TRPC4: variants seen among roughly 807,000 people sequenced by gnomAD.
TRPC4 encodes the protein short transient receptor potential channel 4.
TRPC4 carries 49 observed loss-of-function variants against 99.4 expected under a neutral mutation model. The ratio of observed to expected loss-of-function variants is 0.49; its 90% confidence interval spans 0.39 to 0.63. The LOEUF is 0.63. Among genes scored for constraint, TRPC4 ranks in the 20% least tolerant of loss-of-function variants. TRPC4 has a pLI of 0.00. For missense variants in TRPC4, 898 were observed against 1,152.9 expected (o/e 0.78, Z 3.20); for synonymous variants, 454 against 425.9 (o/e 1.07, Z -0.81).
At chr13:37,813,817 A>G (rs1957768229) in intron 1 of TRPC4, among the ~76,000 whole-genome samples, 2 of 151,900 alleles carry the variant, frequency 1.3e-5, no homozygotes, top group South Asian at 4.1e-4. Context: ...AAAAAACAGA[A>G]GGAACACTTT....
In TRPC4 at chr13:37,637,374, A is replaced by G; in HGVS notation, c.2463T>C (p.Ser821=). ...TGGGCGGCTCCTGAACCACCAGGGC[A>G]GAGCCATTGCTTATGTTATGTCTTT... ...ASERHNISNG[S]ALVVQEPPRE... Residue 821 remains serine, a synonymous_variant, in exon 11 of 11, where the codon TCT becomes TCC. Transcript: ENST00000379705. The G allele has an allele frequency of 6.2e-7, 1 of 1,613,602 alleles. No individual in the cohort carries two copies. Among genetic ancestry groups the G allele is most frequent in the East Asian group, 2.2e-5 (1 of 44,872 alleles).
In TRPC4 at chr13:37,705,217, T is replaced by C. The variant is rs540753780; in HGVS notation, c.898-12882A>G. Among the ~76,000 whole-genome samples, 457 of 152,244 alleles carry C rather than the reference T, an allele frequency of 3.0e-3. 5 individuals carry two copies. In the Middle Eastern group the frequency reaches 0.037, roughly 12 times the overall value. ...CAGACATAGCAATGCAATTACAGCA[T>C]GATCTCACTGATATGTGGAATCTTA... On this transcript the variant is annotated intron_variant, in intron 3 of 10. Coordinates refer to ENST00000379705, the MANE Select transcript of TRPC4 (RefSeq NM_016179.4).
chr13:37,832,471 A>G (rs1958449749), intron 1 of TRPC4, among the ~76,000 whole-genome samples: 2 of 152,230 alleles, frequency 1.3e-5, no homozygotes, highest in South Asian at 4.1e-4. Flanking sequence ...CCCGGGAGAC[A>G]GAGGTTGCAG....
chr13:37,682,199 C>T (rs970542518), intron 4 of TRPC4, among the ~76,000 whole-genome samples: 1 of 152,174 alleles, frequency 6.6e-6, no homozygotes, highest in African/African-American at 2.4e-5. Flanking sequence ...ATGGCAACCT[C>T]CAGGGGTCTC....
intron 2 of TRPC4, among the ~76,000 whole-genome samples, chr13:37,757,250 A>C (rs1956120859): frequency 6.6e-6 from 1 of 152,056 alleles, no homozygotes. Context: ...ACTATTGACA[A>C]AGACACAGTC....
intron 1 of TRPC4, among the ~76,000 whole-genome samples, chr13:37,857,847 T>C (rs1959186372): frequency 6.6e-6 from 1 of 151,560 alleles, no homozygotes; most frequent in Non-Finnish European, 1.5e-5. Flanking sequence ...TTCAGAACAC[T>C]GGTCTGGGAA....
chr13:37,674,232 A>G lies in TRPC4; in HGVS notation c.1370T>C (p.Val457Ala), dbSNP rs1358287040. 1 of 1,585,518 alleles carries G rather than the reference A, an allele frequency of 6.3e-7. No homozygotes were observed. Among genetic ancestry groups the G allele is most frequent in the African/African-American group, 1.3e-5 (1 of 74,180 alleles). ...ATISLKIVAF[V>A]KYSALNPRES... Reference sequence around the variant, plus strand: ...AACAACATAAATAATAGTTACCTTTACAAATGCAACAATTTTCAAGGAGAT... The same window carrying G: ...AACAACATAAATAATAGTTACCTTTGCAAATGCAACAATTTTCAAGGAGAT... The change falls in exon 5 of 11, where the codon GTA becomes GCA. Residue 457 changes from valine (V) to alanine (A), a missense_variant. This residue lies in a region of TRPC4 where 274 missense variants were observed against 454.9 expected (regional missense o/e 0.60). Transcript: ENST00000379705.
intron 1 of TRPC4, among the ~76,000 whole-genome samples, chr13:37,819,270 C>G (rs1593252582): frequency 6.6e-6 from 1 of 152,004 alleles, no homozygotes; most frequent in South Asian, 2.1e-4. Context: ...AGCAGTGTGG[C>G]TATTTCTCAA....
At position 37,721,164 on chromosome 13, in the gene TRPC4, T is replaced by C. The variant is rs1209196597; in HGVS notation, c.897+24773A>G. ...TCTTCCCATTTTTCATAAGTGCTTA[T>C]TTAGAAAATAGTTGTCCACTGCTAA... On this transcript the variant is annotated intron_variant, in intron 3 of 10. Transcript: ENST00000379705. 2.6e-5 allele frequency among the ~76,000 whole-genome samples: 4 copies of C among 152,306 alleles called. No homozygotes were observed. In the East Asian group the frequency reaches 5.8e-4, roughly 22 times the overall value.
intron 1 of TRPC4, among the ~76,000 whole-genome samples, chr13:37,823,223 C>T (rs1446009583): frequency 4.1e-5 from 6 of 147,930 alleles, no homozygotes; most frequent in African/African-American, 9.9e-5. Context: ...TTGTAGGTTG[C>T]CTGTTCACTC....
intron 4 of TRPC4, among the ~76,000 whole-genome samples, chr13:37,675,850 A>G (rs1403880005): frequency 2.0e-5 from 3 of 152,176 alleles, no homozygotes; most frequent in Non-Finnish European, 4.4e-5. Flanking sequence ...CACGAGGCCA[A>G]CAAACACCAG....
At chr13:37,869,448 C>A (rs961819022) in intron 1 of TRPC4, 147 bp downstream of exon 1, 1 of 152,180 alleles carries the variant, frequency 6.6e-6, no homozygotes, top group Non-Finnish European at 1.5e-5. Context: ...ATAGCCAGAA[C>A]CTTTTGAACT....
chr13:37,849,969 T>A (rs1566222621), intron 1 of TRPC4, among the ~76,000 whole-genome samples: 1 of 152,202 alleles, frequency 6.6e-6, no homozygotes, highest in East Asian at 1.9e-4. Context: ...ATATTAACCA[T>A]AAGCTGCAAC....
rs533944539 is a variant in TRPC4 at position 37,752,571 on chromosome 13, C to G, written c.379-6116G>C. On this transcript the variant is annotated intron_variant, in intron 2 of 10. Transcript: ENST00000379705. Reference sequence around the variant, plus strand: ...GGACCTAATCTCTCTCTAGAAAGACCAAAATACCACTTCTGCCCCCCTCCC... The same window carrying G: ...GGACCTAATCTCTCTCTAGAAAGACGAAAATACCACTTCTGCCCCCCTCCC... Among the ~76,000 whole-genome samples the G allele has an allele frequency of 5.3e-5, 8 of 151,834 alleles. No individual in the cohort carries two copies. The South Asian group carries it at 1.7e-3, about 32-fold the overall frequency.
chr13:37,815,231 C>T (rs561580720), intron 1 of TRPC4, among the ~76,000 whole-genome samples: 1 of 151,806 alleles, frequency 6.6e-6, no homozygotes, highest in East Asian at 1.9e-4. Context: ...TAATAACTAG[C>T]TAATGACACA....
intron 1 of TRPC4, among the ~76,000 whole-genome samples, chr13:37,787,531 C>T (rs555274134): frequency 4.6e-5 from 7 of 152,026 alleles, no homozygotes; most frequent in Admixed American, 4.6e-4. Flanking sequence ...TTCTAATTTC[C>T]TTAGGCAAGA....
At chr13:37,689,108 C>T (rs77801686) in intron 4 of TRPC4, among the ~76,000 whole-genome samples, 2,209 of 152,232 alleles carry the variant, frequency 0.015, 48 homozygotes, top group African/African-American at 0.051. Context: ...ATACCTCCCC[C>T]GAAAGGATCA....
At chr13:37,702,965 A>G (rs374653843) in intron 3 of TRPC4, among the ~76,000 whole-genome samples, 18 of 152,276 alleles carry the variant, frequency 1.2e-4, no homozygotes, top group African/African-American at 4.3e-4. Context: ...TTTTTATGCA[A>G]TGGGATGAAA....
chr13:37,803,158 T>C (rs372302414), intron 1 of TRPC4, among the ~76,000 whole-genome samples: 8 of 152,126 alleles, frequency 5.3e-5, no homozygotes, highest in Admixed American at 5.3e-4. Flanking sequence ...TTTTTATTTT[T>C]TATTTTATTG....
Sources: allele counts gnomAD v4.1 joint callset (sites outside exome capture counted in the v4.1 genomes callset), GRCh38; gene constraint gnomAD v4.1.1; regional missense constraint gnomAD v4.1.1; transcripts MANE v1.5; gene names NCBI Gene and HGNC (gene_info 2026-07-23, HGNC 2026-07-21).